The following CIMIP6 variants were observed in gnomAD, a reference collection of about 807,000 sequenced individuals.
CIMIP6 encodes ciliary microtubule inner protein 6.
the CIMIP6 span, among the ~76,000 whole-genome samples, chr2:54,334,534 C>G: frequency 1.3e-5 from 2 of 152,138 alleles, no homozygotes; most frequent in Non-Finnish European, 2.9e-5. Flanking sequence ...GAAGCATAAT[C>G]CAATCACTAC....
the CIMIP6 span, among the ~76,000 whole-genome samples, chr2:54,347,570 G>C: frequency 6.6e-6 from 1 of 152,222 alleles, no homozygotes; most frequent in Non-Finnish European, 1.5e-5. Flanking sequence ...GGATGTAGAA[G>C]AGTGGTGAAA....
chr2:54,332,701 A>G, the CIMIP6 span, among the ~76,000 whole-genome samples: 1 of 152,230 alleles, frequency 6.6e-6, no homozygotes, highest in Non-Finnish European at 1.5e-5. Context: ...ATTTAACTAT[A>G]TAACAAATAG....
the CIMIP6 span, among the ~76,000 whole-genome samples, chr2:54,346,699 A>G: frequency 5.3e-5 from 8 of 152,300 alleles, no homozygotes; most frequent in East Asian, 9.6e-4. Flanking sequence ...TATCTCCAAA[A>G]TAGACCCCAA....
chr2:54,381,799 G>T, the CIMIP6 span: 1 of 1,507,652 alleles, frequency 6.6e-7, no homozygotes, highest in Non-Finnish European at 8.8e-7. Context: ...TAAACCATCA[G>T]ACTTTTTCCC....
chr2:54,360,180 G>T, the CIMIP6 span: 2 of 1,522,992 alleles, frequency 1.3e-6, no homozygotes, highest in Non-Finnish European at 8.8e-7. Context: ...CCTGGTTAAT[G>T]TCGACTTTGT....
the CIMIP6 span, chr2:54,382,041 G>A: frequency 6.9e-7 from 1 of 1,445,880 alleles, no homozygotes; most frequent in East Asian, 2.7e-5. Context: ...AGAGAAGTTA[G>A]GTAGCTCACT....
At chr2:54,332,410 T>A in the CIMIP6 span, among the ~76,000 whole-genome samples, 1 of 152,220 alleles carries the variant, frequency 6.6e-6, no homozygotes, top group South Asian at 2.1e-4. Flanking sequence ...CATCAGTGCC[T>A]CCAACAGCAC....
the CIMIP6 span, chr2:54,361,287 T>G: frequency 6.6e-6 from 1 of 152,226 alleles, no homozygotes; most frequent in Admixed American, 6.5e-5. Context: ...AATTGTTTTC[T>G]ATTTTACTCA....
chr2:54,371,246 G>A, the CIMIP6 span, among the ~76,000 whole-genome samples: 1 of 152,238 alleles, frequency 6.6e-6, no homozygotes, highest in South Asian at 2.1e-4. Flanking sequence ...GGAGGGTTGA[G>A]AGAGGGAGGT....
the CIMIP6 span, among the ~76,000 whole-genome samples, chr2:54,347,298 A>C: frequency 0.23 from 34,260 of 152,038 alleles, 4,110 homozygotes; most frequent in African/African-American, 0.27. Context: ...ATTTGTCTTT[A>C]CATTTTCATT....
chr2:54,330,892 C>T, the CIMIP6 span: 31 of 1,395,054 alleles, frequency 2.2e-5, no homozygotes, highest in Non-Finnish European at 2.6e-5. Context: ...TCACAGTCGC[C>T]GCGCTTTGCG....
At chr2:54,353,372 A>G in the CIMIP6 span, among the ~76,000 whole-genome samples, 1 of 152,088 alleles carries the variant, frequency 6.6e-6, no homozygotes, top group Non-Finnish European at 1.5e-5. Context: ...TCATGTCTAT[A>G]AAGACGAACC....
At chr2:54,363,798 T>A in the CIMIP6 span, among the ~76,000 whole-genome samples, 2 of 152,174 alleles carry the variant, frequency 1.3e-5, no homozygotes, top group East Asian at 3.8e-4. Context: ...AATCTCTAAT[T>A]TTCTAAATCA....
the CIMIP6 span, among the ~76,000 whole-genome samples, chr2:54,375,575 AT>A: frequency 1.3e-5 from 2 of 152,228 alleles, no homozygotes; most frequent in Admixed American, 6.5e-5. Flanking sequence ...ACACGTGTAT[AT>A]GTTTTTACTT....
At chr2:54,381,544 G>T in the CIMIP6 span, among the ~76,000 whole-genome samples, 2 of 152,166 alleles carry the variant, frequency 1.3e-5, no homozygotes, top group African/African-American at 2.4e-5. Flanking sequence ...ACTGTCCAAA[G>T]GTATACAGCT....
chr2:54,334,457 T>G, the CIMIP6 span, among the ~76,000 whole-genome samples: 4 of 152,282 alleles, frequency 2.6e-5, no homozygotes, highest in Admixed American at 6.5e-5. Flanking sequence ...AATAAAACTT[T>G]TAAAGAAGTT....
the CIMIP6 span, among the ~76,000 whole-genome samples, chr2:54,357,218 A>G: frequency 6.6e-6 from 1 of 152,174 alleles, no homozygotes; most frequent in African/African-American, 2.4e-5. Context: ...GTAACATGTA[A>G]TGTATAAGTA....
the CIMIP6 span, among the ~76,000 whole-genome samples, chr2:54,368,518 C>G: frequency 1.6e-4 from 25 of 152,168 alleles, no homozygotes; most frequent in Non-Finnish European, 3.2e-4. Context: ...GGCCTTTGCT[C>G]TTGGATCCTG....
At chr2:54,345,162 G>C in the CIMIP6 span, among the ~76,000 whole-genome samples, 1 of 152,114 alleles carries the variant, frequency 6.6e-6, no homozygotes. Context: ...ATCAACAGGA[G>C]AAAAGCATAC....
Sources: allele counts gnomAD v4.1 joint callset (sites outside exome capture counted in the v4.1 genomes callset), GRCh38; gene constraint gnomAD v4.1.1; transcripts MANE v1.5; gene names NCBI Gene and HGNC (gene_info 2026-07-23, HGNC 2026-07-21).